TBCK: variants seen among roughly 807,000 people sequenced by gnomAD.
The protein encoded by TBCK is TBC domain-containing protein kinase-like protein.
Under a neutral mutation model 113.4 loss-of-function variants are expected in TBCK, and 99 were observed. The ratio of observed to expected loss-of-function variants is 0.87; its 90% CI spans 0.74 to 1.03. The LOEUF (loss-of-function observed/expected upper bound fraction) is 1.03, where lower values mean the gene tolerates loss of function less well. Ranked by LOEUF, TBCK falls within the 50% of genes least tolerant of loss-of-function variation. The probability of loss-of-function intolerance (pLI) is 0.00; values close to 1 mark genes in which losing one functional copy is unlikely to be tolerated. For synonymous variants in TBCK, 369 were observed against 370.8 expected (o/e 1.00, Z 0.05); for missense variants, 1,045 against 1,061.3 (o/e 0.98, Z 0.21).
chr4:106,268,388 G>A lies in TBCK; in HGVS notation c.267-6176C>T, dbSNP rs892268806. Among the ~76,000 whole-genome samples, 9 of 152,006 alleles carry A rather than the reference G, an allele frequency of 5.9e-5. No homozygotes were observed. The South Asian group carries it at 8.3e-4, about 14-fold the overall frequency. On this transcript the variant is annotated intron_variant, in intron 3 of 25. Coordinates refer to ENST00000394708, the MANE Select transcript of TBCK (RefSeq NM_001163435.3). The stretch of plus-strand genomic sequence containing the variant: ...GACTAGCTTATTCAACTATGACTCC[G>A]TATATCTATCAGTGTCTGTAATGTG...
chr4:106,143,535 T>G (rs997818871), intron 23 of TBCK, among the ~76,000 whole-genome samples: 15 of 152,338 alleles, frequency 9.8e-5, no homozygotes, highest in African/African-American at 3.1e-4. Context: ...TTTCTAAGCT[T>G]CAGACTGCTG....
intron 3 of TBCK, among the ~76,000 whole-genome samples, chr4:106,265,194 C>T (rs912589713): frequency 3.3e-5 from 5 of 151,894 alleles, no homozygotes; most frequent in Non-Finnish European, 7.4e-5. Flanking sequence ...CTCTCTTTTT[C>T]TCTAAGTTGG....
intron 3 of TBCK, among the ~76,000 whole-genome samples, chr4:106,280,996 T>C (rs904112489): frequency 2.6e-5 from 4 of 152,152 alleles, no homozygotes; most frequent in South Asian, 2.1e-4. Flanking sequence ...ATGCATTGAA[T>C]CTGTAGATTG....
At chr4:106,293,313 T>C (rs1579539112) in intron 3 of TBCK, among the ~76,000 whole-genome samples, 1 of 152,110 alleles carries the variant, frequency 6.6e-6, no homozygotes, top group South Asian at 2.1e-4. Context: ...AAAACGAGAT[T>C]ACAGAGCAGA....
At chr4:106,095,692 T>TCCCTCAGACA in intron 24 of TBCK, 51 bp from the exon 25 acceptor site, 2 of 1,552,674 alleles carry the variant, frequency 1.3e-6, no homozygotes, top group Non-Finnish European at 1.8e-6. Flanking sequence ...ATCCTGAGTG[T>TCCCTCAGACA]CTGAGGGAAA....
chr4:106,285,053 T>C (rs1764981138), intron 3 of TBCK, among the ~76,000 whole-genome samples: 1 of 152,162 alleles, frequency 6.6e-6, no homozygotes, highest in Non-Finnish European at 1.5e-5. Flanking sequence ...TTTGATCATT[T>C]AACTTAAACT....
intron 20 of TBCK, among the ~76,000 whole-genome samples, chr4:106,203,976 G>C (rs1236135832): frequency 6.6e-6 from 1 of 152,116 alleles, no homozygotes; most frequent in African/African-American, 2.4e-5. Flanking sequence ...TCCTCTGACA[G>C]AGTATTCATT....
At chr4:106,055,621 C>T (rs1011437258) in intron 25 of TBCK, among the ~76,000 whole-genome samples, 1 of 151,226 alleles carries the variant, frequency 6.6e-6, no homozygotes, top group East Asian at 2.0e-4. Flanking sequence ...TGGTCTTTTC[C>T]TTTCCTTTCT....
chr4:106,155,654 C>A lies in TBCK; in HGVS notation c.2235+15441G>T, dbSNP rs183624264. On this transcript the variant is annotated intron_variant, in intron 23 of 25. Coordinates refer to ENST00000394708, the MANE Select transcript of TBCK (RefSeq NM_001163435.3). The stretch of plus-strand genomic sequence containing the variant: ...GCTCACTAACTCCTTCTGCTTGATA[C>A]ATTCTATTAGAGGACTGTGATGCAT... Among the ~76,000 whole-genome samples the A allele has an allele frequency of 3.3e-5, 5 of 152,084 alleles. No individual in the cohort carries two copies. The East Asian group carries it at 9.7e-4, about 29-fold the overall frequency.
rs1231954464 is a variant in TBCK, at chr4:106,104,215, CT to C, written c.2412-8575del. Among the ~76,000 whole-genome samples the C allele has an allele frequency of 2.0e-5, 3 of 152,316 alleles. No homozygotes were observed. In the East Asian group the frequency reaches 5.8e-4, roughly 29 times the overall value. On this transcript the variant is annotated intron_variant, in intron 24 of 25. Transcript: ENST00000394708. Reference sequence around the variant, plus strand: ...TAGGAAAGAGGCCGAATCCAGAAGGCTGAGTAGCAACAACCCATAGGCCCCA... The same window carrying C: ...TAGGAAAGAGGCCGAATCCAGAAGGCGAGTAGCAACAACCCATAGGCCCCA...
chr4:106,227,644 C>T (rs1378657692), intron 19 of TBCK, among the ~76,000 whole-genome samples: 1 of 151,756 alleles, frequency 6.6e-6, no homozygotes, highest in Non-Finnish European at 1.5e-5. Context: ...ATATATAATA[C>T]AGAATCAGGT....
chr4:106,221,991 T>C (rs570338086), intron 19 of TBCK, among the ~76,000 whole-genome samples: 2 of 152,216 alleles, frequency 1.3e-5, no homozygotes, highest in South Asian at 4.1e-4. Context: ...TAATTGTGAT[T>C]TATACTATAT....
intron 24 of TBCK, among the ~76,000 whole-genome samples, chr4:106,111,053 A>G (rs1742793662): frequency 6.6e-6 from 1 of 151,940 alleles, no homozygotes; most frequent in Non-Finnish European, 1.5e-5. Flanking sequence ...GGGTTAACTG[A>G]GGCCACTCTG....
intron 3 of TBCK, among the ~76,000 whole-genome samples, chr4:106,272,323 A>G (rs1763576400): frequency 6.6e-6 from 1 of 152,040 alleles, no homozygotes; most frequent in African/African-American, 2.4e-5. Flanking sequence ...TTTCCGTGCT[A>G]CATACGTTTC....
intron 23 of TBCK, among the ~76,000 whole-genome samples, chr4:106,150,250 C>G (rs1052283639): frequency 2.0e-5 from 3 of 152,052 alleles, no homozygotes; most frequent in Admixed American, 1.3e-4. Flanking sequence ...AACAAGTAGA[C>G]TAGTATAAAA....
chr4:106,285,857 C>T (rs1765059471), intron 3 of TBCK, among the ~76,000 whole-genome samples: 1 of 152,188 alleles, frequency 6.6e-6, no homozygotes, highest in Non-Finnish European at 1.5e-5. Context: ...ACCTTAAGAA[C>T]ATCTTCTCAC....
chr4:106,105,489 G>C (rs1463503376), intron 24 of TBCK, among the ~76,000 whole-genome samples: 4 of 152,198 alleles, frequency 2.6e-5, no homozygotes, highest in East Asian at 3.9e-4. Context: ...GGCACTCAAG[G>C]GGGAGAGGAG....
At chr4:106,207,467 A>T (rs1355794234) in intron 20 of TBCK, among the ~76,000 whole-genome samples, 3 of 152,204 alleles carry the variant, frequency 2.0e-5, no homozygotes, top group Non-Finnish European at 4.4e-5. Flanking sequence ...AGAGGCATAG[A>T]AAGTTACCTC....
At chr4:106,170,475 A>G (rs549012207) in intron 23 of TBCK, among the ~76,000 whole-genome samples, 3 of 152,252 alleles carry the variant, frequency 2.0e-5, no homozygotes, top group East Asian at 1.9e-4. Flanking sequence ...ATGGAAATAT[A>G]TGAACAAATG....
Sources: gnomAD v4.1 joint callset for allele counts (sites outside exome capture counted in the v4.1 genomes callset) on GRCh38, gnomAD v4.1.1 for gene constraint, MANE v1.5 for transcripts, NCBI Gene and HGNC (gene_info 2026-07-23, HGNC 2026-07-21) for gene names.